Variants in STAG1 observed in about 807,000 individuals in gnomAD.
STAG1 encodes STAG1 cohesin complex component.
A neutral mutation model predicts 170.9 loss-of-function variants in STAG1; 26 were observed. The observed-to-expected ratio is 0.15, with a 90% CI of 0.11 to 0.21. The LOEUF is 0.21. Among genes scored for constraint, STAG1 ranks in the 10% least tolerant of loss-of-function variants. STAG1 has a pLI of 1.00. For synonymous variants in STAG1, 514 were observed against 497.7 expected (o/e 1.03, Z -0.44); for missense variants, 964 against 1,509.5 (o/e 0.64, Z 5.99).
Position 136,498,233 on chromosome 3 carries a change from T to TATAC in STAG1, c.902+1989_902+1990insGTAT. Among the ~76,000 whole-genome samples the TATAC allele has an allele frequency of 1.7e-3, 99 of 57,492 alleles. 9 individuals are homozygous for TATAC. The highest frequency in any genetic ancestry group is 7.8e-3 in the African/African-American group (75 of 9,674). The allele number at this position is 57,492 out of a possible 152,430, so 37.7% of individuals were successfully genotyped here. A position where few individuals can be genotyped will look rare whatever the true frequency, so the allele number is the denominator to read the frequency against. The stretch of plus-strand genomic sequence containing the variant: ...AATTATATATATATATATATATATA[T>TATAC]ACACATACATATACATACACACACA... On this transcript the variant is annotated intron_variant, in intron 9 of 33. Coordinates refer to ENST00000383202, the MANE Select transcript of STAG1 (RefSeq NM_005862.3).
chr3:136,683,117 GA>G (rs754080757), intron 1 of STAG1, among the ~76,000 whole-genome samples: 3 of 152,142 alleles, frequency 2.0e-5, no homozygotes, highest in African/African-American at 4.8e-5. Context: ...GCTACAAAGA[GA>G]AAGTTAGTGT....
intron 23 of STAG1, among the ~76,000 whole-genome samples, chr3:136,374,663 T>A (rs181094423): frequency 4.8e-4 from 73 of 151,678 alleles, no homozygotes; most frequent in Non-Finnish European, 3.1e-4. Context: ...AATGTGTTTG[T>A]GTGTTAGGTA....
rs1310146328 is a variant in STAG1, at chr3:136,511,762, A to G, written c.677-8983T>C. 2.6e-5 allele frequency among the ~76,000 whole-genome samples: 4 copies of G among 152,290 alleles called. No homozygotes were observed. The East Asian group carries it at 7.7e-4, about 29-fold the overall frequency. On this transcript the variant is annotated intron_variant, in intron 7 of 33. Coordinates refer to ENST00000383202, the MANE Select transcript of STAG1 (RefSeq NM_005862.3). ...AAGTCCCTGTGACATAAGCTTTCCT[A>G]TATAACAAACCTGCACATGTACCCC...
intron 6 of STAG1, among the ~76,000 whole-genome samples, chr3:136,527,827 T>C (rs1007904175): frequency 6.6e-6 from 1 of 152,220 alleles, no homozygotes; most frequent in Non-Finnish European, 1.5e-5. Context: ...GCTGCAGGTC[T>C]GTTGGAGTTT....
At chr3:136,538,376 A>G (rs1466032469) in intron 6 of STAG1, among the ~76,000 whole-genome samples, 2 of 152,014 alleles carry the variant, frequency 1.3e-5, no homozygotes, top group Admixed American at 1.3e-4. Flanking sequence ...GATGTAGTTC[A>G]GAACTAAGAA....
chr3:136,653,272 CAA>C (rs113426775), intron 1 of STAG1, among the ~76,000 whole-genome samples: 5 of 114,234 alleles, frequency 4.4e-5, no homozygotes, highest in African/African-American at 6.6e-5. Flanking sequence ...AACTCCATCT[CAA>C]AAAAAAAAAA....
intron 6 of STAG1, among the ~76,000 whole-genome samples, chr3:136,530,163 A>T (rs1935300082): frequency 6.6e-6 from 1 of 152,214 alleles, no homozygotes; most frequent in Non-Finnish European, 1.5e-5. Context: ...TGATAAAGAG[A>T]TTAATTCAAC....
At chr3:136,461,584 C>G (rs975080288) in intron 13 of STAG1, among the ~76,000 whole-genome samples, 1 of 146,598 alleles carries the variant, frequency 6.8e-6, no homozygotes, top group Non-Finnish European at 1.5e-5. Flanking sequence ...AGCAAGACTC[C>G]GTCTTGAAAA....
chr3:136,431,176 C>T (rs945975740), intron 16 of STAG1, among the ~76,000 whole-genome samples: 2 of 151,722 alleles, frequency 1.3e-5, no homozygotes, highest in African/African-American at 4.8e-5. Context: ...AGTGACAGGA[C>T]TGCAGGAGTG....
intron 1 of STAG1, among the ~76,000 whole-genome samples, chr3:136,642,771 G>A (rs1940851701): frequency 6.6e-6 from 1 of 152,178 alleles, no homozygotes; most frequent in African/African-American, 2.4e-5. Context: ...TCACAGTTCT[G>A]GAAGCTAGAA....
At chr3:136,660,142 T>C (rs978200624) in intron 1 of STAG1, among the ~76,000 whole-genome samples, 1 of 152,198 alleles carries the variant, frequency 6.6e-6, no homozygotes, top group East Asian at 1.9e-4. Context: ...GAAAAGACAT[T>C]CTACTATTTT....
chr3:136,361,590 T>C (rs560638848), intron 26 of STAG1, among the ~76,000 whole-genome samples: 1 of 152,316 alleles, frequency 6.6e-6, no homozygotes, highest in East Asian at 1.9e-4. Flanking sequence ...TAAGTATCCA[T>C]TTTAATTTGT....
chr3:136,372,577 A>G (rs1286400443), intron 23 of STAG1, among the ~76,000 whole-genome samples: 1 of 152,160 alleles, frequency 6.6e-6, no homozygotes, highest in African/African-American at 2.4e-5. Context: ...AATTTTGTCA[A>G]AGGCCTTTAA....
intron 26 of STAG1, among the ~76,000 whole-genome samples, chr3:136,359,644 G>A (rs1050691692): frequency 2.6e-5 from 4 of 152,104 alleles, no homozygotes; most frequent in Admixed American, 6.6e-5. Flanking sequence ...ATTCTCACGC[G>A]TCAGCCTCCT....
intron 2 of STAG1, among the ~76,000 whole-genome samples, chr3:136,627,984 C>T (rs1940179701): frequency 1.3e-5 from 2 of 152,096 alleles, no homozygotes; most frequent in Admixed American, 1.3e-4. Context: ...AAGTATATAG[C>T]TTATTATATC....
chr3:136,360,845 T>C (rs758244250), intron 26 of STAG1, among the ~76,000 whole-genome samples: 1 of 152,096 alleles, frequency 6.6e-6, no homozygotes, highest in Non-Finnish European at 1.5e-5. Flanking sequence ...ATTTTTTGTA[T>C]TTTTAGTAGA....
chr3:136,340,906 A>C (rs1326666185), intron 31 of STAG1, among the ~76,000 whole-genome samples: 5 of 152,144 alleles, frequency 3.3e-5, no homozygotes, highest in Non-Finnish European at 7.4e-5. Context: ...CAAATGAGGA[A>C]CCTGAAGCAC....
At chr3:136,439,985 T>C (rs1390019858) in intron 15 of STAG1, among the ~76,000 whole-genome samples, 1 of 152,302 alleles carries the variant, frequency 6.6e-6, no homozygotes, top group Admixed American at 6.5e-5. Flanking sequence ...AAACACCTAA[T>C]AGTATATATT....
chr3:136,463,768 T>TGTATACACACACACAC (rs755853025), intron 13 of STAG1, among the ~76,000 whole-genome samples: 1 of 38,590 alleles, frequency 2.6e-5, no homozygotes, highest in Non-Finnish European at 4.4e-5. Flanking sequence ...TGTGTGTGTG[T>TGTATACACACACACAC]ATACACACAC....
Sources: gnomAD v4.1 joint callset for allele counts (sites outside exome capture counted in the v4.1 genomes callset) on GRCh38, gnomAD v4.1.1 for gene constraint, MANE v1.5 for transcripts, NCBI Gene and HGNC (gene_info 2026-07-23, HGNC 2026-07-21) for gene names.